PRIM2: variants seen among roughly 807,000 people sequenced by gnomAD.
PRIM2 encodes DNA primase subunit 2.
PRIM2 carries 39 observed loss-of-function variants against 67.3 expected under a neutral mutation model. The ratio of observed to expected loss-of-function variants is 0.58; its 90% CI spans 0.45 to 0.76. The LOEUF is 0.76. Among genes scored for constraint, PRIM2 ranks in the 30% least tolerant of loss-of-function variants. PRIM2 has a pLI of 0.00. For synonymous variants in PRIM2, 143 were observed against 198.7 expected, an observed-to-expected ratio of 0.72 and a Z score of 2.36; for missense variants, 398 against 598.7, an observed-to-expected ratio of 0.66 and a Z score of 3.50.
chr6:57,598,157 C>T (rs1404051746), intron 10 of PRIM2, among the ~76,000 whole-genome samples: 2 of 152,160 alleles, frequency 1.3e-5, no homozygotes, highest in Non-Finnish European at 2.9e-5. Context: ...CTTAAAGTAT[C>T]GTGTAGGAAC....
chr6:57,362,859 C>G, intron 5 of PRIM2, among the ~76,000 whole-genome samples: 1 of 152,098 alleles, frequency 6.6e-6, no homozygotes. Context: ...TGCCAATTAA[C>G]TGGGTGCTTG....
intron 7 of PRIM2, among the ~76,000 whole-genome samples, chr6:57,463,106 G>T (rs1427195343): frequency 6.6e-6 from 1 of 152,192 alleles, no homozygotes; most frequent in Non-Finnish European, 1.5e-5. Context: ...AGTGGCAGAG[G>T]GGTGGTGGGA....
At chr6:57,415,713 A>G (rs1269369502) in intron 7 of PRIM2, among the ~76,000 whole-genome samples, 2 of 152,234 alleles carry the variant, frequency 1.3e-5, no homozygotes, top group African/African-American at 4.8e-5. Context: ...AAGTTTATAT[A>G]ATAATCTAAC....
chr6:57,537,603 A>C lies in PRIM2; in HGVS notation c.998A>C (p.Lys333Thr), dbSNP rs1775026896. 6.4e-7 allele frequency: 1 copy of C among 1,557,384 alleles called. No homozygotes were observed. Among genetic ancestry groups the C allele is most frequent in the Non-Finnish European group, 8.7e-7 (1 of 1,150,454 alleles). Residue 333 changes from lysine (K) to threonine (T), a missense_variant, in exon 10 of 14, where the codon AAA (lysine) becomes ACA (threonine). Coordinates refer to ENST00000615550, the MANE Select transcript of PRIM2 (RefSeq NM_000947.5). ...CAGTTCTGGAAGCAAGAATTTATCA[A>C]AGGAAAGATGGATCCAGACAAGGTA... ...ALQFWKQEFIKGKMDPDKFDK... is the reference protein window; with the variant it reads ...ALQFWKQEFITGKMDPDKFDK...
intron 10 of PRIM2, among the ~76,000 whole-genome samples, chr6:57,586,461 T>C (rs1344727380): frequency 6.6e-6 from 1 of 152,168 alleles, no homozygotes; most frequent in African/African-American, 2.4e-5. Context: ...CATTTAATGA[T>C]GGCTGGAGAA....
At chr6:57,302,062 C>G in the PRIM2 span, among the ~76,000 whole-genome samples, 12 of 152,148 alleles carry the variant, frequency 7.9e-5, no homozygotes, top group Non-Finnish European at 1.8e-4. Context: ...TTAGGGGTCA[C>G]AAAATTATTG....
chr6:57,431,336 T>G (rs796538516), intron 7 of PRIM2, among the ~76,000 whole-genome samples: 6 of 152,280 alleles, frequency 3.9e-5, no homozygotes, highest in African/African-American at 1.2e-4. Flanking sequence ...AGTTCTGATT[T>G]CAGTGTCCTG....
At chr6:57,500,690 C>A (rs1774113289) in intron 7 of PRIM2, among the ~76,000 whole-genome samples, 1 of 152,166 alleles carries the variant, frequency 6.6e-6, no homozygotes, top group South Asian at 2.1e-4. Context: ...ATTTAACATT[C>A]CACATTGAAG....
intron 9 of PRIM2, among the ~76,000 whole-genome samples, chr6:57,533,769 G>A (rs1774940151): frequency 6.6e-6 from 1 of 152,186 alleles, no homozygotes. Context: ...TTCATTTAAT[G>A]GATATGTATT....
At chr6:57,606,297 T>C in intron 11 of PRIM2, 78 bp from the exon 12 acceptor site, 3 of 1,126,922 alleles carry the variant, frequency 2.7e-6, no homozygotes, top group Non-Finnish European at 4.0e-6. Flanking sequence ...GGAGCTTAGA[T>C]GGTCTCTCGA....
At position 57,593,547 on chromosome 6, in the gene PRIM2, T is replaced by G. The variant is rs1360080173; in HGVS notation, c.1021-7546T>G. On this transcript the variant is annotated intron_variant, in intron 10 of 13. Transcript: ENST00000615550. Reference sequence around the variant, plus strand: ...CGAACTCCTGACCTCAAGTGATCCATCCGCCTCGGCCTCCCAAAGTACTGG... The same window carrying G: ...CGAACTCCTGACCTCAAGTGATCCAGCCGCCTCGGCCTCCCAAAGTACTGG... Among the ~76,000 whole-genome samples the G allele has an allele frequency of 1.8e-3, 274 of 152,208 alleles. 2 individuals carry two copies. The highest frequency in any genetic ancestry group is 6.2e-3 in the African/African-American group (259 of 41,552).
At chr6:57,356,167 C>G (rs1769023512) in intron 5 of PRIM2, among the ~76,000 whole-genome samples, 1 of 152,110 alleles carries the variant, frequency 6.6e-6, no homozygotes, top group South Asian at 2.1e-4. Flanking sequence ...AGAGCATAGG[C>G]TCTGGTGCTG....
At chr6:57,270,706 T>G in the PRIM2 span, among the ~76,000 whole-genome samples, 2 of 151,874 alleles carry the variant, frequency 1.3e-5, no homozygotes, top group Non-Finnish European at 2.9e-5. Flanking sequence ...GTCTTGTGCC[T>G]GTTTTCAAAG....
At chr6:57,516,240 C>G (rs1306495195) in intron 8 of PRIM2, among the ~76,000 whole-genome samples, 2 of 152,178 alleles carry the variant, frequency 1.3e-5, no homozygotes, top group Admixed American at 6.5e-5. Context: ...TGCAGAGCCC[C>G]TTTTACCGTG....
chr6:57,428,969 G>C (rs1425783021), intron 7 of PRIM2, among the ~76,000 whole-genome samples: 1 of 152,046 alleles, frequency 6.6e-6, no homozygotes, highest in Non-Finnish European at 1.5e-5. Flanking sequence ...CGCAATCAGG[G>C]TATAGAACTT....
the PRIM2 span, among the ~76,000 whole-genome samples, chr6:57,272,575 T>C: frequency 3.9e-5 from 6 of 152,182 alleles, no homozygotes; most frequent in Admixed American, 3.9e-4. Context: ...CTTGACTCTT[T>C]ATCCAATTTG....
intron 7 of PRIM2, among the ~76,000 whole-genome samples, chr6:57,476,406 A>G (rs1773478815): frequency 6.6e-6 from 1 of 152,178 alleles, no homozygotes; most frequent in Admixed American, 6.5e-5. Context: ...AGACCCTGAT[A>G]AGCTTTACAT....
intron 7 of PRIM2, among the ~76,000 whole-genome samples, chr6:57,499,554 C>G (rs1774084562): frequency 6.6e-6 from 1 of 152,166 alleles, no homozygotes. Context: ...AAGTTCCCCC[C>G]AGTTAATTAC....
At position 57,438,766 on chromosome 6, in the gene PRIM2, A is replaced by AT. The variant is rs112732081; in HGVS notation, c.693+56608dup. On this transcript the variant is annotated intron_variant, in intron 7 of 13. Coordinates refer to ENST00000615550, the MANE Select transcript of PRIM2 (RefSeq NM_000947.5). The stretch of plus-strand genomic sequence containing the variant: ...ATGAATTGTGCATGTAGTTTTCGGC[A>AT]TTTTTTTTTTCTTTTTTTTTGGGGG... 1.7e-3 allele frequency among the ~76,000 whole-genome samples: 253 copies of AT among 147,496 alleles called. 5 individuals carry two copies. In the East Asian group the frequency reaches 0.017, roughly 10 times the overall value.
Sources: allele counts gnomAD v4.1 joint callset (sites outside exome capture counted in the v4.1 genomes callset), GRCh38; gene constraint gnomAD v4.1.1; transcripts MANE v1.5; gene names NCBI Gene and HGNC (gene_info 2026-07-23, HGNC 2026-07-21).